ARID1B: variants seen among roughly 807,000 people sequenced by gnomAD.
ARID1B encodes the protein AT-rich interaction domain 1B, also known as AT-rich interactive domain-containing protein 1B.
In ARID1B, 30 loss-of-function variants were observed where a neutral mutation model predicts 212.3. The observed-to-expected ratio is 0.14, with a 90% CI of 0.11 to 0.19. ARID1B has a LOEUF of 0.19. Among genes scored for constraint, ARID1B ranks in the 10% least tolerant of loss-of-function variants. The pLI is 1.00. For missense variants in ARID1B, 2,891 were observed against 3,204.0 expected (o/e 0.90, Z 2.36); for synonymous variants, 1,402 against 1,301.7 (o/e 1.08, Z -1.66).
chr6:157,168,118 C>T (rs6927961), intron 9 of ARID1B: 23,326 of 152,190 alleles, frequency 0.15, 3,440 homozygotes, highest in African/African-American at 0.39. Flanking sequence ...CTTCTGCCTT[C>T]CACCTCCTTT....
intron 6 of ARID1B, among the ~76,000 whole-genome samples, chr6:157,126,339 G>A (rs1788136687): frequency 6.6e-6 from 1 of 152,142 alleles, no homozygotes; most frequent in African/African-American, 2.4e-5. Flanking sequence ...GGGAGACGCA[G>A]CCTCTAAACA....
chr6:156,794,494 A>G (rs518029), intron 1 of ARID1B, among the ~76,000 whole-genome samples: 33,365 of 151,224 alleles, frequency 0.22, 4,200 homozygotes, highest in African/African-American at 0.32. Context: ...CGGCTCAAGC[A>G]ATCCTCCTGC....
At chr6:156,884,641 T>C (rs756917867) in intron 2 of ARID1B, among the ~76,000 whole-genome samples, 6 of 152,202 alleles carry the variant, frequency 3.9e-5, no homozygotes, top group Non-Finnish European at 7.3e-5. Flanking sequence ...CATAGTCCGC[T>C]AAGGAGGTGG....
chr6:157,143,388 A>G lies in ARID1B; in HGVS notation c.2762-5236A>G, dbSNP rs188077222. 1.3e-4 allele frequency among the ~76,000 whole-genome samples: 19 copies of G among 151,388 alleles called. 1 individual carries two copies. Among genetic ancestry groups the G allele is most frequent in the Admixed American group, 1.2e-3 (19 of 15,238 alleles). ...TCCTCTCATATTTTGCTTGGCTTAC[A>G]TATTTGGTTTTTGTTTATTTTGGGA... On this transcript the variant is annotated intron_variant, in intron 7 of 19. Transcript: ENST00000636930.
rs2128586054 is a variant in ARID1B, at chr6:157,133,214, C to T, written c.2761+7C>T. 2 of 1,577,072 alleles carry T rather than the reference C, an allele frequency of 1.3e-6. No individual in the cohort carries two copies. Among genetic ancestry groups the T allele is most frequent in the Non-Finnish European group, 1.7e-6 (2 of 1,165,972 alleles). On this transcript the variant is annotated splice_region_variant and intron_variant, in intron 7 of 19. Coordinates refer to ENST00000636930, the MANE Select transcript of ARID1B (RefSeq NM_001374828.1). ...AGCCAGTATGGACCACAAGGTAAAA[C>T]CAAAGCTTCTCCAAAATGCATGGCA...
At chr6:156,907,406 GTT>G (rs1375242744) in intron 3 of ARID1B, among the ~76,000 whole-genome samples, 4 of 152,014 alleles carry the variant, frequency 2.6e-5, no homozygotes, top group African/African-American at 9.7e-5. Flanking sequence ...CTTATAATCT[GTT>G]TTTGAGGTAA....
chr6:157,174,710 A>G, intron 10 of ARID1B, 137 bp from the exon 11 acceptor site: 1 of 271,854 alleles, frequency 3.7e-6, no homozygotes, highest in Non-Finnish European at 6.5e-6. Flanking sequence ...GTTTGTTTGT[A>G]CATGTCTTTA....
intron 4 of ARID1B, among the ~76,000 whole-genome samples, chr6:157,056,055 TA>T (rs1313917409): frequency 2.0e-5 from 3 of 152,168 alleles, no homozygotes; most frequent in Admixed American, 2.0e-4. Flanking sequence ...GTCAACTGAT[TA>T]GGGACCTTAA....
intron 8 of ARID1B, among the ~76,000 whole-genome samples, chr6:157,159,111 C>T (rs560849295): frequency 3.3e-5 from 5 of 152,286 alleles, no homozygotes; most frequent in Non-Finnish European, 2.9e-5. Context: ...CCACACTGTG[C>T]GCTTGAGGCA....
chr6:156,976,750 G>A (rs564846129), intron 4 of ARID1B: 5 of 507,180 alleles, frequency 9.9e-6, no homozygotes, highest in Admixed American at 2.0e-5. Context: ...GTGAAGGTCC[G>A]CAGCTTCATT....
intron 1 of ARID1B, among the ~76,000 whole-genome samples, chr6:156,803,234 C>T (rs1442168294): frequency 6.6e-6 from 1 of 152,076 alleles, no homozygotes; most frequent in Non-Finnish European, 1.5e-5. Flanking sequence ...TAAGCCTTTT[C>T]AATGAAGATT....
intron 1 of ARID1B, among the ~76,000 whole-genome samples, chr6:156,780,985 C>T (rs563450809): frequency 6.6e-6 from 1 of 152,268 alleles, no homozygotes; most frequent in East Asian, 1.9e-4. Context: ...CTTAATAAAA[C>T]CTTAAAATTT....
At chr6:156,859,628 A>G (rs1210946802) in intron 2 of ARID1B, among the ~76,000 whole-genome samples, 1 of 152,226 alleles carries the variant, frequency 6.6e-6, no homozygotes, top group Non-Finnish European at 1.5e-5. Flanking sequence ...CCAGCCTTTT[A>G]TACAGAGCAA....
rs1778961772 is a variant in ARID1B at position 156,779,038 on chromosome 6, C to T, written c.1358C>T (p.Ser453Phe). 2 of 1,223,272 alleles carry T rather than the reference C, an allele frequency of 1.6e-6. No homozygotes were observed. The highest frequency in any genetic ancestry group is 2.0e-6 in the Non-Finnish European group (2 of 987,344). 75.8% of individuals were successfully genotyped at this position (1,223,272 alleles called of 1,614,324 possible). A position where few individuals can be genotyped will look rare whatever the true frequency, so the allele number is the denominator to read the frequency against. ...GSSAGYGVLSSPRQQGGGMMM... is the reference protein window; with the variant it reads ...GSSAGYGVLSFPRQQGGGMMM... ...TCCGCGGGGTACGGGGTGCTGAGCT[C>T]CCCCCGGCAGCAGGGCGGCGGCATG... The change falls in exon 1 of 20, where the codon TCC becomes TTC. Residue 453 changes from serine to phenylalanine, a missense_variant. Physicochemically the swap from Ser to Phe is radical, Grantham distance 155. Around this residue, in one of 7 missense-constraint regions of ARID1B, gnomAD observed 1,643 missense variants for 1,544.0 expected, o/e 1.06. Coordinates refer to ENST00000636930, the MANE Select transcript of ARID1B (RefSeq NM_001374828.1).
At chr6:157,045,212 G>T (rs1473300928) in intron 4 of ARID1B, among the ~76,000 whole-genome samples, 1 of 152,142 alleles carries the variant, frequency 6.6e-6, no homozygotes, top group Non-Finnish European at 1.5e-5. Flanking sequence ...CATCCTTCTA[G>T]AGTGACATTT....
At chr6:156,794,329 A>C (rs1010118632) in intron 1 of ARID1B, among the ~76,000 whole-genome samples, 1 of 151,588 alleles carries the variant, frequency 6.6e-6, no homozygotes, top group Non-Finnish European at 1.5e-5. Flanking sequence ...AGCTCACTGC[A>C]ACCTTGAATT....
chr6:157,015,878 A>G (rs1486938295), intron 4 of ARID1B, among the ~76,000 whole-genome samples: 2 of 152,226 alleles, frequency 1.3e-5, no homozygotes, highest in Non-Finnish European at 2.9e-5. Flanking sequence ...TCAGAAAGAA[A>G]CACAAAGCTG....
At chr6:157,021,291 G>T (rs920174864) in intron 4 of ARID1B, among the ~76,000 whole-genome samples, 2 of 152,244 alleles carry the variant, frequency 1.3e-5, no homozygotes, top group Non-Finnish European at 2.9e-5. Flanking sequence ...GCCCACGGAA[G>T]AAGCCGAGCT....
chr6:157,204,011 T>TC lies in ARID1B; in HGVS notation c.5394+17dup, dbSNP rs775333116. ...ATCTCTCCCAGGTAAGCCAGCATAGTCCAACTAACAACCAAATTAGGATAG... is the reference window on the plus strand; with the variant it reads ...ATCTCTCCCAGGTAAGCCAGCATAGTCCCAACTAACAACCAAATTAGGATAG... On this transcript the variant is annotated intron_variant, in intron 19 of 19. Transcript: ENST00000636930. The TC allele has an allele frequency of 1.2e-6, 2 of 1,613,840 alleles. No homozygotes were observed. Among genetic ancestry groups the TC allele is most frequent in the East Asian group, 2.2e-5 (1 of 44,870 alleles).
Sources: allele counts gnomAD v4.1 joint callset (sites outside exome capture counted in the v4.1 genomes callset), GRCh38; gene constraint gnomAD v4.1.1; regional missense constraint gnomAD v4.1.1; transcripts MANE v1.5; gene names NCBI Gene and HGNC (gene_info 2026-07-23, HGNC 2026-07-21).